The following MYH9 variants were observed in gnomAD, a reference collection of about 807,000 sequenced individuals.
MYH9 encodes myosin heavy chain 9.
In MYH9, 29 loss-of-function variants were observed where a neutral mutation model predicts 241.9. The observed-to-expected ratio is 0.12, with a 90% CI of 0.09 to 0.16. The LOEUF (loss-of-function observed/expected upper bound fraction) is 0.16, where lower values mean the gene tolerates loss of function less well. MYH9 is among the 10% of genes least tolerant of loss of function. The pLI, the probability that MYH9 is intolerant of heterozygous loss-of-function variation, is 1.00. For missense variants in MYH9, 1,803 were observed against 2,595.5 expected (o/e 0.69, Z 6.63); for synonymous variants, 1,047 against 1,062.6 (o/e 0.99, Z 0.29).
rs138912986 is a variant in MYH9 at position 36,384,950 on chromosome 22, C to T, written c.-20+2857G>A. Among the ~76,000 whole-genome samples the T allele has an allele frequency of 3.6e-4, 55 of 152,058 alleles. No homozygotes were observed. In the East Asian group the frequency reaches 0.011, roughly 29 times the overall value. Reference sequence around the variant, plus strand: ...TTCTTTTGTCAGCAGAGGACTCCAGCCCAGGGTCTCAGCACACCAAGGGTT... The same window carrying T: ...TTCTTTTGTCAGCAGAGGACTCCAGTCCAGGGTCTCAGCACACCAAGGGTT... On this transcript the variant is annotated intron_variant, in intron 1 of 40. Transcript: ENST00000216181.
At chr22:36,302,748 C>T in intron 19 of MYH9, 72 bp from the exon 20 acceptor site, 2 of 1,366,168 alleles carry the variant, frequency 1.5e-6, no homozygotes, top group Non-Finnish European at 1.0e-6. Context: ...TGGTCTTGTC[C>T]TCAAGCTTTT....
chr22:36,331,422 A>C (rs1259151285), intron 3 of MYH9, among the ~76,000 whole-genome samples: 1 of 152,220 alleles, frequency 6.6e-6, no homozygotes, highest in African/African-American at 2.4e-5. Flanking sequence ...GGCCAAGCCC[A>C]TGCAGTGAGG....
chr22:36,304,078 G>A lies in MYH9; in HGVS notation c.2307C>T (p.Ala769=). 3.1e-6 allele frequency: 5 copies of A among 1,613,870 alleles called. No homozygotes were observed. The highest frequency in any genetic ancestry group is 4.2e-6 in the Non-Finnish European group (5 of 1,180,030). ...SKVFFRAGVL[A]HLEEERDLKI... ...TCAGGTCTCGCTCCTCCTCCAGGTG[G>A]GCCAGCACACCGGCACGGAAGAAGA... is the stretch of plus-strand genomic sequence containing the variant. Residue 769 remains alanine (A), a synonymous_variant, in exon 19 of 41, where the codon GCC becomes GCT. Transcript: ENST00000216181.
chr22:36,326,468 T>A, intron 5 of MYH9, 100 bp downstream of exon 5: 1 of 1,112,708 alleles, frequency 9.0e-7, no homozygotes, highest in Non-Finnish European at 1.4e-6. Flanking sequence ...CCCCAAAGCA[T>A]CCTCTTGTAA....
chr22:36,322,010 G>A, intron 6 of MYH9, 189 bp from the exon 7 acceptor site: 1 of 643,348 alleles, frequency 1.6e-6, no homozygotes, highest in South Asian at 1.7e-5. Context: ...TCGGGACTCA[G>A]GCGCCACACT....
chr22:36,296,987 C>A lies in MYH9; in HGVS notation c.3128G>T (p.Arg1043Leu), dbSNP rs957892036. The A allele has an allele frequency of 6.2e-7, 1 of 1,614,000 alleles. No individual in the cohort carries two copies. Among genetic ancestry groups the A allele is most frequent in the Non-Finnish European group, 8.5e-7 (1 of 1,180,040 alleles). Reference protein sequence around the residue: ...EERLRREEKQRQELEKTRRKL... With the variant: ...EERLRREEKQLQELEKTRRKL... The stretch of plus-strand genomic sequence containing the variant: ...CCGGCGGGTCTTCTCCAGCTCCTGT[C>A]GCTGCTTCTCCTCCCTGCGGAGGCG... The change falls in exon 25 of 41, where the codon CGA becomes CTA. Residue 1043 changes from arginine to leucine, a missense_variant. Physicochemically the swap from Arg to Leu is moderately radical, Grantham distance 102 (BLOSUM62 -2). Around this residue, in one of 11 missense-constraint regions of MYH9, gnomAD observed 290 missense variants for 360.5 expected, o/e 0.80. Coordinates refer to ENST00000216181, the MANE Select transcript of MYH9 (RefSeq NM_002473.6).
chr22:36,288,608 T>C lies in MYH9; in HGVS notation c.4770+119A>G. The stretch of plus-strand genomic sequence containing the variant: ...GACAGGAGGCTAGAAAGAAGGAATA[T>C]GGGAGGGGAGGCGTGGTCAAGGGGC... On this transcript the variant is annotated intron_variant, in intron 33 of 40. Transcript: ENST00000216181. The surrounding 1 kb of genome is among the most constrained non-coding windows in gnomAD (Gnocchi z 4.8). 1.5e-6 allele frequency: 2 copies of C among 1,350,970 alleles called. No homozygotes were observed. Among genetic ancestry groups the C allele is most frequent in the Non-Finnish European group, 2.1e-6 (2 of 957,172 alleles). The allele number at this position is 1,350,970 out of a possible 1,614,324, so 83.7% of individuals were successfully genotyped here.
At chr22:36,307,621 C>T (rs1297028085) in intron 15 of MYH9, among the ~76,000 whole-genome samples, 1 of 152,236 alleles carries the variant, frequency 6.6e-6, no homozygotes, top group East Asian at 1.9e-4. Flanking sequence ...GGCATGGTGG[C>T]TCGCGCCTGT....
At chr22:36,312,789 T>C (rs1367291223) in intron 13 of MYH9, among the ~76,000 whole-genome samples, 2 of 152,176 alleles carry the variant, frequency 1.3e-5, no homozygotes, top group African/African-American at 4.8e-5. Context: ...AAAATTCAAC[T>C]GATTAAAGAA....
chr22:36,361,166 C>T (rs535828007), intron 1 of MYH9, among the ~76,000 whole-genome samples: 6 of 152,134 alleles, frequency 3.9e-5, no homozygotes, highest in Non-Finnish European at 8.8e-5. Context: ...GCGGGTGGGC[C>T]CCCCTTCCCT....
At chr22:36,290,781 G>A (rs2016679586) in intron 31 of MYH9, among the ~76,000 whole-genome samples, 1 of 151,678 alleles carries the variant, frequency 6.6e-6, no homozygotes, top group Non-Finnish European at 1.5e-5. Flanking sequence ...GAGATGTGGG[G>A]AGCGCCTCTG....
At position 36,321,792 on chromosome 22, in the gene MYH9, G is replaced by T; in HGVS notation, c.735C>A (p.Val245=). 2 of 1,614,182 alleles carry T rather than the reference G, an allele frequency of 1.2e-6. No individual in the cohort carries two copies. The highest frequency in any genetic ancestry group is 1.1e-5 in the South Asian group (1 of 91,074). ...TGTTGGCTCCAACAATGTAGCCATT[G>T]ACATCAAAGTTGATGCGAATGAATT... ...FGKFIRINFD[V]NGYIVGANIE... The change falls in exon 7 of 41, where the codon GTC becomes GTA. Residue 245 remains valine (V), a synonymous_variant. Coordinates refer to ENST00000216181, the MANE Select transcript of MYH9 (RefSeq NM_002473.6).
rs368363304 is a variant in MYH9, at chr22:36,295,123, G to A, written c.3486-47C>T. The A allele has an allele frequency of 1.4e-5, 23 of 1,613,226 alleles. No individual in the cohort carries two copies. Among genetic ancestry groups the A allele is most frequent in the Admixed American group, 5.0e-5 (3 of 60,010 alleles). ...GAGTGGAGGCCGGGGATGCTGGAGCGAGGCTGTCCCTGGGGCTCTTCCCTG... is the reference window on the plus strand; with the variant it reads ...GAGTGGAGGCCGGGGATGCTGGAGCAAGGCTGTCCCTGGGGCTCTTCCCTG... On this transcript the variant is annotated intron_variant, in intron 26 of 40. Transcript: ENST00000216181. This position sits in a 1 kb window ranked among gnomAD's most constrained non-coding sequence, Gnocchi z 4.1.
At position 36,349,237 on chromosome 22, in the gene MYH9, G is replaced by T; in HGVS notation, c.-1C>A. ...ACTTATCGGCAGCTTGCTGTGCCAT[G>T]GTGACTTATAGCCAGGACCTAAGCG... On this transcript the variant is annotated 5_prime_UTR_variant, in exon 2 of 41. Transcript: ENST00000216181. 1 of 1,614,046 alleles carries T rather than the reference G, an allele frequency of 6.2e-7. No individual in the cohort carries two copies. The highest frequency in any genetic ancestry group is 1.1e-5 in the South Asian group (1 of 91,058).
rs1291719553 is a variant in MYH9, at chr22:36,320,268, T to G, written c.964A>C (p.Thr322Pro). 6.2e-7 allele frequency: 1 copy of G among 1,614,184 alleles called. No homozygotes were observed. ...CCCATAATCCTCATGGCCTCCATGG[T>G]CTCCTGGAACATGTCCTTGTCCTGC... Reference protein sequence around the residue: ...GQQDKDMFQETMEAMRIMGIP... With the variant: ...GQQDKDMFQEPMEAMRIMGIP... Residue 322 changes from threonine to proline, a missense_variant, in exon 9 of 41, where the codon ACC (threonine) becomes CCC (proline). Physicochemically the swap from Thr to Pro is conservative, Grantham distance 38. Coordinates refer to ENST00000216181, the MANE Select transcript of MYH9 (RefSeq NM_002473.6). This position sits in a 1 kb window ranked among gnomAD's most constrained non-coding sequence, Gnocchi z 4.8.
intron 31 of MYH9, among the ~76,000 whole-genome samples, chr22:36,291,300 T>TATAC (rs1189501290): frequency 6.6e-6 from 1 of 152,168 alleles, no homozygotes; most frequent in Non-Finnish European, 1.5e-5. Flanking sequence ...TAGAAAGAAG[T>TATAC]ATACATGGGA....
chr22:36,286,272 G>A (rs1025218031), intron 35 of MYH9, among the ~76,000 whole-genome samples: 1 of 152,194 alleles, frequency 6.6e-6, no homozygotes, highest in Non-Finnish European at 1.5e-5. Context: ...CCCTGTTCTG[G>A]GTAAGCCAGA....
chr22:36,332,683 A>AC (rs2017442959), intron 3 of MYH9, among the ~76,000 whole-genome samples: 1 of 151,156 alleles, frequency 6.6e-6, no homozygotes, highest in South Asian at 2.1e-4. Context: ...AAAAAAAAAA[A>AC]AAAAAAACCT....
chr22:36,307,398 T>C (rs2016987261), intron 15 of MYH9, among the ~76,000 whole-genome samples: 1 of 152,172 alleles, frequency 6.6e-6, no homozygotes, highest in Non-Finnish European at 1.5e-5. Context: ...GGCCAGCGAT[T>C]TGAGATCAGT....
Sources: allele counts gnomAD v4.1 joint callset (sites outside exome capture counted in the v4.1 genomes callset), GRCh38; gene constraint gnomAD v4.1.1; regional missense constraint gnomAD v4.1.1; non-coding constraint Gnocchi (gnomAD v3.1); transcripts MANE v1.5; gene names NCBI Gene and HGNC (gene_info 2026-07-23, HGNC 2026-07-21).